Variants in BCR observed in about 807,000 individuals in gnomAD.
The protein encoded by BCR is breakpoint cluster region protein.
A neutral mutation model predicts 138.6 loss-of-function variants in BCR; 58 were observed. The observed-to-expected ratio is 0.42, with a 90% CI of 0.34 to 0.52. The LOEUF is 0.52. Ranked by LOEUF, BCR falls within the 20% of genes least tolerant of loss-of-function variation. The probability of loss-of-function intolerance (pLI) is 0.06; values close to 1 mark genes in which losing one functional copy is unlikely to be tolerated. For missense variants in BCR, 1,599 were observed against 1,727.2 expected (o/e 0.93, Z 1.32); for synonymous variants, 786 against 730.1 (o/e 1.08, Z -1.23).
intron 16 of BCR, among the ~76,000 whole-genome samples, chr22:23,297,531 G>A (rs559421350): frequency 2.6e-5 from 4 of 152,074 alleles, no homozygotes; most frequent in African/African-American, 7.2e-5. Flanking sequence ...TGCTCCCATC[G>A]CTCCCACTTC....
intron 18 of BCR, among the ~76,000 whole-genome samples, chr22:23,310,790 T>C (rs1017029948): frequency 1.3e-5 from 2 of 152,198 alleles, no homozygotes; most frequent in African/African-American, 2.4e-5. Context: ...TGAGAGCAGT[T>C]CATGCAGACA....
Position 23,180,887 on chromosome 22 carries a change from C to CG in BCR, c.-74_-73insG, listed in dbSNP as rs1555958263. ...GGGCCGCCCGGCGCCCGGGGCCGGG[C>CG]TGGCGAGGCGCCGCGCCGCCGCTGA... On this transcript the variant is annotated 5_prime_UTR_variant, in exon 1 of 23. It removes the in-frame stop codon of an upstream open reading frame in the 5' UTR. Coordinates refer to ENST00000305877, the MANE Select transcript of BCR (RefSeq NM_004327.4). 2.4e-6 allele frequency: 2 copies of CG among 818,908 alleles called. No individual in the cohort carries two copies. Among genetic ancestry groups the CG allele is most frequent in the Non-Finnish European group, 2.7e-6 (2 of 746,848 alleles). The allele number at this position is 818,908 out of a possible 1,614,324, so 50.7% of individuals were successfully genotyped here. A position where few individuals can be genotyped will look rare whatever the true frequency, so the allele number is the denominator to read the frequency against.
chr22:23,260,875 CCT>C, intron 2 of BCR, 73 bp from the exon 3 acceptor site: 1 of 1,401,576 alleles, frequency 7.1e-7, no homozygotes, highest in Non-Finnish European at 1.0e-6. Context: ...AGCTGGCCCT[CCT>C]CTCTCAGAGG....
At chr22:23,297,036 T>A (rs1360319106) in intron 16 of BCR, among the ~76,000 whole-genome samples, 2 of 151,938 alleles carry the variant, frequency 1.3e-5, no homozygotes, top group Admixed American at 1.3e-4. Flanking sequence ...TTGGTTGTTG[T>A]TGTTGTTCTT....
In BCR at chr22:23,181,783, G is replaced by A; in HGVS notation, c.823G>A (p.Glu275Lys). 6.2e-7 allele frequency: 1 copy of A among 1,607,994 alleles called. No individual in the cohort carries two copies. Among genetic ancestry groups the A allele is most frequent in the African/African-American group, 1.3e-5 (1 of 75,038 alleles). The part of the protein sequence containing the change: ...GGSRPPWPPL[E>K]YQPYQSIYVG... Reference sequence around the variant, plus strand: ...TAGCAGGCCCCCTTGGCCGCCCCTGGAGTACCAGCCCTACCAGAGCATCTA... The same window carrying A: ...TAGCAGGCCCCCTTGGCCGCCCCTGAAGTACCAGCCCTACCAGAGCATCTA... Residue 275 changes from glutamate to lysine, a missense_variant, in exon 1 of 23, where the codon GAG becomes AAG. By Grantham distance (56) the Glu-to-Lys change is moderately conservative. Transcript: ENST00000305877.
At chr22:23,229,969 T>G (rs1370708722) in intron 1 of BCR, among the ~76,000 whole-genome samples, 1 of 151,698 alleles carries the variant, frequency 6.6e-6, no homozygotes, top group Admixed American at 6.6e-5. Flanking sequence ...TGGGGAAAGG[T>G]GGATAAAGCC....
chr22:23,204,826 G>A (rs113096370), intron 1 of BCR, among the ~76,000 whole-genome samples: 3,268 of 152,274 alleles, frequency 0.021, 58 homozygotes, highest in Non-Finnish European at 0.035. Flanking sequence ...GCAGCATGGG[G>A]GTGTCTGCCA....
chr22:23,295,462 G>A (rs2073834942), intron 16 of BCR, among the ~76,000 whole-genome samples: 1 of 152,174 alleles, frequency 6.6e-6, no homozygotes, highest in Non-Finnish European at 1.5e-5. Flanking sequence ...AGGTGGAACA[G>A]TTAGATGGTG....
intron 16 of BCR, among the ~76,000 whole-genome samples, chr22:23,304,097 C>CTTTTTTTTTTTTTTTT (rs1229578118): frequency 1.0e-5 from 1 of 96,240 alleles, no homozygotes; most frequent in African/African-American, 4.8e-5. Flanking sequence ...CCATGCCAGG[C>CTTTTTTTTTTTTTTTT]TATTTTTTTT....
At chr22:23,231,144 AT>A (rs1307879232) in intron 1 of BCR, among the ~76,000 whole-genome samples, 1 of 152,034 alleles carries the variant, frequency 6.6e-6, no homozygotes, top group Non-Finnish European at 1.5e-5. Flanking sequence ...TTTTTTCCTA[AT>A]GGGAAAGAAG....
intron 1 of BCR, among the ~76,000 whole-genome samples, chr22:23,202,326 AATTTGAC>A (rs2072562595): frequency 6.6e-6 from 1 of 152,154 alleles, no homozygotes; most frequent in Non-Finnish European, 1.5e-5. Flanking sequence ...TATATATACA[AATTTGAC>A]ATTTTAACCA....
At chr22:23,202,735 GTGTGTGTGTGTGTA>G (rs1164370232) in intron 1 of BCR, among the ~76,000 whole-genome samples, 2 of 148,086 alleles carry the variant, frequency 1.4e-5, no homozygotes, top group Admixed American at 1.3e-4. Context: ...GTGTGTGTGT[GTGTGTGTGTGTGTA>G]TATATATATA....
chr22:23,301,884 G>A (rs1016225166), intron 16 of BCR, among the ~76,000 whole-genome samples: 1 of 152,194 alleles, frequency 6.6e-6, no homozygotes, highest in African/African-American at 2.4e-5. Context: ...GCTCGGGGCT[G>A]GCTTGGAAGG....
At chr22:23,265,792 A>G (rs12484870) in intron 4 of BCR, among the ~76,000 whole-genome samples, 4,253 of 152,348 alleles carry the variant, frequency 0.028, 101 homozygotes, top group Admixed American at 0.071. Flanking sequence ...ACACACAAGC[A>G]CAAGAAGTTT....
intron 1 of BCR, among the ~76,000 whole-genome samples, chr22:23,232,894 G>T (rs959392070): frequency 5.9e-5 from 9 of 152,238 alleles, no homozygotes; most frequent in Non-Finnish European, 1.3e-4. Flanking sequence ...AGAGAAGCTG[G>T]GTTAGGCTTT....
intron 1 of BCR, among the ~76,000 whole-genome samples, chr22:23,247,113 G>C (rs2073166037): frequency 6.6e-6 from 1 of 152,158 alleles, no homozygotes; most frequent in African/African-American, 2.4e-5. Context: ...GTGTGCTGCT[G>C]TTTGTAGAAG....
intron 1 of BCR, among the ~76,000 whole-genome samples, chr22:23,208,799 G>A (rs950735207): frequency 2.0e-5 from 3 of 152,144 alleles, no homozygotes; most frequent in African/African-American, 4.8e-5. Flanking sequence ...AGGTTGCAGC[G>A]AACTGAGATC....
At chr22:23,201,489 GC>G (rs1446489174) in intron 1 of BCR, among the ~76,000 whole-genome samples, 1 of 152,134 alleles carries the variant, frequency 6.6e-6, no homozygotes, top group Non-Finnish European at 1.5e-5. Flanking sequence ...ACGGAGTCTT[GC>G]TCTGTTCCCC....
intron 16 of BCR, among the ~76,000 whole-genome samples, chr22:23,308,990 C>G (rs1373894030): frequency 2.0e-5 from 3 of 152,160 alleles, no homozygotes; most frequent in Non-Finnish European, 2.9e-5. Flanking sequence ...ACAAGCTGTT[C>G]ATGGTGCAGG....
Sources: gnomAD v4.1 joint callset for allele counts (sites outside exome capture counted in the v4.1 genomes callset) on GRCh38, gnomAD v4.1.1 for gene constraint, MANE v1.5 for transcripts, NCBI Gene and HGNC (gene_info 2026-07-23, HGNC 2026-07-21) for gene names.